GPC6: variants seen among roughly 807,000 people sequenced by gnomAD.
GPC6 encodes the protein glypican 6, also known as glypican-6.
Under a neutral mutation model 55.2 loss-of-function variants are expected in GPC6, and 14 were observed. That is an observed-to-expected ratio of 0.25 (90% CI 0.17 to 0.40). The LOEUF (loss-of-function observed/expected upper bound fraction) is 0.40, where lower values mean the gene tolerates loss of function less well. Among genes scored for constraint, GPC6 ranks in the 10% least tolerant of loss-of-function variants. The pLI is 1.00. For synonymous variants in GPC6, 278 were observed against 259.6 expected (o/e 1.07, Z -0.68); for missense variants, 641 against 708.5 (o/e 0.90, Z 1.08).
intron 3 of GPC6, among the ~76,000 whole-genome samples, chr13:94,011,784 A>G (rs768909245): frequency 2.6e-5 from 4 of 152,164 alleles, no homozygotes; most frequent in African/African-American, 7.2e-5. Flanking sequence ...TTGTACAGCC[A>G]TTCATTCAAA....
intron 1 of GPC6, among the ~76,000 whole-genome samples, chr13:93,515,271 A>G (rs932104089): frequency 9.2e-5 from 14 of 152,252 alleles, no homozygotes; most frequent in Non-Finnish European, 1.6e-4. Context: ...GAACTTTAAG[A>G]CACACATTTC....
In GPC6 at chr13:94,403,261, A is replaced by C. The variant is rs1881229530; in HGVS notation, c.*44A>C. On this transcript the variant is annotated 3_prime_UTR_variant, in exon 9 of 9. Coordinates refer to ENST00000377047, the MANE Select transcript of GPC6 (RefSeq NM_005708.5). ...ATGAAACTGCATTTTAGCTATCTGA[A>C]TGGCCAACTCACTTCTTTTCTTACA... 3.8e-6 allele frequency: 5 copies of C among 1,313,146 alleles called. No homozygotes were observed. The highest frequency in any genetic ancestry group is 5.5e-6 in the Non-Finnish European group (5 of 912,212). The allele number at this position is 1,313,146 out of a possible 1,614,324, so 81.3% of individuals were successfully genotyped here.
At chr13:93,331,368 A>G (rs1398299614) in intron 1 of GPC6, among the ~76,000 whole-genome samples, 1 of 152,130 alleles carries the variant, frequency 6.6e-6, no homozygotes, top group Admixed American at 6.5e-5. Flanking sequence ...TTTTTCTATT[A>G]TATTTCTAGA....
chr13:93,226,478 TCTATGA>T (rs1477011637), upstream of GPC6: 1 of 152,190 alleles, frequency 6.6e-6, no homozygotes, highest in African/African-American at 2.4e-5. Context: ...TGAACTCCCG[TCTATGA>T]CTATTTCCAC....
chr13:94,036,992 G>A (rs565659870), intron 4 of GPC6, among the ~76,000 whole-genome samples: 3 of 151,908 alleles, frequency 2.0e-5, no homozygotes, highest in Non-Finnish European at 4.4e-5. Context: ...AAATAGTTGA[G>A]TGTTCCAAAC....
intron 4 of GPC6, among the ~76,000 whole-genome samples, chr13:94,051,484 A>G (rs1883946563): frequency 6.6e-6 from 1 of 152,124 alleles, no homozygotes; most frequent in South Asian, 2.1e-4. Flanking sequence ...CTCTCTGGCA[A>G]TTACTCAGCT....
chr13:93,291,791 A>G (rs1173910949), intron 1 of GPC6, among the ~76,000 whole-genome samples: 1 of 152,182 alleles, frequency 6.6e-6, no homozygotes, highest in Non-Finnish European at 1.5e-5. Context: ...TCGGAGGAAC[A>G]ACATTAATAG....
At chr13:93,912,612 G>C (rs192761716) in intron 3 of GPC6, among the ~76,000 whole-genome samples, 4 of 152,190 alleles carry the variant, frequency 2.6e-5, no homozygotes, top group East Asian at 1.9e-4. Context: ...GTGTGGTGGC[G>C]GGCGCCTGTA....
intron 2 of GPC6, among the ~76,000 whole-genome samples, chr13:93,603,104 G>T (rs1484657989): frequency 6.6e-6 from 1 of 151,872 alleles, no homozygotes; most frequent in Non-Finnish European, 1.5e-5. Flanking sequence ...CAACCTCCTG[G>T]GCTCAAGCAA....
intron 3 of GPC6, among the ~76,000 whole-genome samples, chr13:93,886,250 A>T (rs1875316601): frequency 6.6e-6 from 1 of 152,052 alleles, no homozygotes; most frequent in Admixed American, 6.6e-5. Context: ...GAATAATTGG[A>T]AGACTAGAAT....
chr13:93,589,170 GT>G (rs1397411250), intron 2 of GPC6, among the ~76,000 whole-genome samples: 2 of 144,420 alleles, frequency 1.4e-5, no homozygotes, highest in Non-Finnish European at 2.9e-5. Flanking sequence ...TTCCCTAATA[GT>G]TAACATTTTA....
chr13:93,735,139 T>G (rs1271621836), intron 2 of GPC6, among the ~76,000 whole-genome samples: 3 of 152,106 alleles, frequency 2.0e-5, no homozygotes, highest in African/African-American at 7.2e-5. Flanking sequence ...TTTTCCAATA[T>G]AAAGGAAAAA....
At chr13:93,664,562 A>C (rs1881053766) in intron 2 of GPC6, among the ~76,000 whole-genome samples, 1 of 149,820 alleles carries the variant, frequency 6.7e-6, no homozygotes, top group Admixed American at 6.6e-5. Context: ...ACTATTACAC[A>C]TGTTTCTATC....
intron 2 of GPC6, among the ~76,000 whole-genome samples, chr13:93,720,746 A>C (rs901583857): frequency 6.6e-6 from 1 of 152,024 alleles, no homozygotes; most frequent in Non-Finnish European, 1.5e-5. Flanking sequence ...GCTGTGTCCC[A>C]AATATTCTGG....
chr13:94,245,534 C>T (rs1036513291), intron 4 of GPC6, among the ~76,000 whole-genome samples: 9 of 152,184 alleles, frequency 5.9e-5, no homozygotes, highest in Admixed American at 2.6e-4. Context: ...CATGCTACTG[C>T]ACTCCAGCCT....
chr13:94,028,875 A>G (rs1250805045), intron 4 of GPC6, among the ~76,000 whole-genome samples: 2 of 152,210 alleles, frequency 1.3e-5, no homozygotes, highest in Non-Finnish European at 2.9e-5. Context: ...GGCTTCTCCC[A>G]GGAAAATACA....
At chr13:94,174,671 C>T (rs887027225) in intron 4 of GPC6, among the ~76,000 whole-genome samples, 3 of 152,128 alleles carry the variant, frequency 2.0e-5, no homozygotes, top group Admixed American at 6.6e-5. Flanking sequence ...TCATCAAGCA[C>T]TATAATGTCC....
chr13:93,317,173 T>A (rs933779268), intron 1 of GPC6, among the ~76,000 whole-genome samples: 10 of 152,102 alleles, frequency 6.6e-5, no homozygotes, highest in Non-Finnish European at 1.0e-4. Context: ...CGTTCAGAAA[T>A]CAAATTCAGA....
chr13:93,620,151 C>T lies in GPC6; in HGVS notation c.319+74730C>T, dbSNP rs76020739. On this transcript the variant is annotated intron_variant, in intron 2 of 8. Transcript: ENST00000377047. ...ATATTGTTTTTGGATTTTCACAAAT[C>T]GTTTAGTAAGATGTTCTCTGCCAAA... Among the ~76,000 whole-genome samples, 28 of 152,184 alleles carry T rather than the reference C, an allele frequency of 1.8e-4. No individual in the cohort carries two copies. The East Asian group carries it at 1.9e-3, about 11-fold the overall frequency.
Sources: allele counts gnomAD v4.1 joint callset (sites outside exome capture counted in the v4.1 genomes callset), GRCh38; gene constraint gnomAD v4.1.1; transcripts MANE v1.5; gene names NCBI Gene and HGNC (gene_info 2026-07-23, HGNC 2026-07-21).